Variants in NSA2 observed in about 807,000 individuals in gnomAD.
NSA2 encodes the protein ribosome biogenesis protein NSA2 homolog.
In NSA2, 18 loss-of-function variants were observed where a neutral mutation model predicts 34.8. That is an observed-to-expected ratio of 0.52 (90% CI 0.36 to 0.77). NSA2 has a LOEUF of 0.77. Ranked by LOEUF, NSA2 falls within the 30% of genes least tolerant of loss-of-function variation. NSA2 has a pLI of 0.00. For synonymous variants in NSA2, 79 were observed against 100.2 expected (o/e 0.79, Z 1.26); for missense variants, 188 against 314.7 (o/e 0.60, Z 3.05).
At chr5:74,767,387 C>G (rs960834479) in intron 1 of NSA2, 24 bp downstream of exon 1, 1 of 1,612,070 alleles carries the variant, frequency 6.2e-7, no homozygotes, top group Non-Finnish European at 8.5e-7. Context: ...CTCGGACGCT[C>G]GCGACACACA....
At position 74,777,860 on chromosome 5, in the gene NSA2, TAAGTTCTATAAATATATAC is replaced by T. The variant is rs1442576477; in HGVS notation, c.*1190_*1208del. ...ACTCTGAATAATGTAACATTTTTTC[TAAGTTCTATAAATATATAC>T]TGGAAGTTTTAGAACACATACAGAC... On this transcript the variant is annotated 3_prime_UTR_variant, in exon 6 of 6. Transcript: ENST00000610426. 1 of 152,104 alleles carries T rather than the reference TAAGTTCTATAAATATATAC, an allele frequency of 6.6e-6. No individual in the cohort carries two copies. The highest frequency in any genetic ancestry group is 1.5e-5 in the Non-Finnish European group (1 of 67,942). The allele number at this position is 152,104 out of a possible 1,614,324, so 9.4% of individuals were successfully genotyped here. A position where few individuals can be genotyped will look rare whatever the true frequency, so the allele number is the denominator to read the frequency against.
intron 5 of NSA2, among the ~76,000 whole-genome samples, chr5:74,776,271 A>C (rs1745115704): frequency 6.6e-6 from 1 of 152,164 alleles, no homozygotes; most frequent in Admixed American, 6.5e-5. Context: ...AGGCCAAGGC[A>C]GGCGGATCAT....
chr5:74,775,844 A>G (rs1032079767), intron 5 of NSA2, among the ~76,000 whole-genome samples: 1 of 152,128 alleles, frequency 6.6e-6, no homozygotes, highest in African/African-American at 2.4e-5. Context: ...TACCTTTAGT[A>G]CCCAGATCCA....
At chr5:74,769,742 CCT>C (rs1744855853) in intron 3 of NSA2, among the ~76,000 whole-genome samples, 1 of 152,064 alleles carries the variant, frequency 6.6e-6, no homozygotes, top group Non-Finnish European at 1.5e-5. Context: ...TGGAAAACTC[CCT>C]GAGTTGTCAC....
In NSA2 at chr5:74,779,968, A is replaced by G. The variant is rs1230489167; in HGVS notation, c.*3297A>G. The G allele has an allele frequency of 6.6e-6, 1 of 152,238 alleles. No homozygotes were observed. The highest frequency in any genetic ancestry group is 6.5e-5 in the Admixed American group (1 of 15,278). 9.4% of individuals were successfully genotyped at this position (152,238 alleles called of 1,614,324 possible). A position where few individuals can be genotyped will look rare whatever the true frequency, so the allele number is the denominator to read the frequency against. On this transcript the variant is annotated 3_prime_UTR_variant, in exon 6 of 6. Transcript: ENST00000610426. ...GGATCAAGATCAAGCTATTTTTAAAACAATTTAAATGGTCTCAAAACATTC... is the reference window on the plus strand; with the variant it reads ...GGATCAAGATCAAGCTATTTTTAAAGCAATTTAAATGGTCTCAAAACATTC...
chr5:74,778,759 T>C lies in NSA2; in HGVS notation c.*2088T>C, dbSNP rs1745252855. ...CTGCTTTATATTACACAAGGAAATA[T>C]ACACGTATGTACATAAAAAGTGAAC... On this transcript the variant is annotated 3_prime_UTR_variant, in exon 6 of 6. Coordinates refer to ENST00000610426, the MANE Select transcript of NSA2 (RefSeq NM_014886.6). 1 of 152,038 alleles carries C rather than the reference T, an allele frequency of 6.6e-6. No individual in the cohort carries two copies. Among genetic ancestry groups the C allele is most frequent in the Admixed American group, 6.5e-5 (1 of 15,272 alleles). The allele number at this position is 152,038 out of a possible 1,614,324, so 9.4% of individuals were successfully genotyped here.
chr5:74,769,561 AATTT>A, intron 3 of NSA2, 197 bp downstream of exon 3: 1 of 439,978 alleles, frequency 2.3e-6, no homozygotes, highest in Non-Finnish European at 3.9e-6. Context: ...TTATAAAAAA[AATTT>A]ATTAGAATGC....
intron 5 of NSA2, among the ~76,000 whole-genome samples, chr5:74,774,712 A>G (rs1036366052): frequency 6.6e-6 from 1 of 152,080 alleles, no homozygotes; most frequent in African/African-American, 2.4e-5. Flanking sequence ...CCATGAGCAG[A>G]GGAAGGGAGG....
intron 3 of NSA2, among the ~76,000 whole-genome samples, chr5:74,770,155 A>AC (rs1744869403): frequency 3.3e-5 from 5 of 152,096 alleles, no homozygotes; most frequent in Admixed American, 2.6e-4. Context: ...ATGTGGTGAA[A>AC]CCCCACCTCT....
intron 5 of NSA2, among the ~76,000 whole-genome samples, chr5:74,774,714 G>A (rs1247450401): frequency 6.6e-6 from 1 of 151,906 alleles, no homozygotes; most frequent in Non-Finnish European, 1.5e-5. Context: ...ATGAGCAGAG[G>A]AAGGGAGGCA....
intron 5 of NSA2, among the ~76,000 whole-genome samples, chr5:74,774,548 G>A (rs1293456762): frequency 1.3e-5 from 2 of 152,186 alleles, no homozygotes; most frequent in Non-Finnish European, 2.9e-5. Flanking sequence ...AGCTTGCAGT[G>A]AGCTGAGATT....
At position 74,776,686 on chromosome 5, in the gene NSA2, A is replaced by ATAAT. The variant is rs756253755; in HGVS notation, c.*18_*21dup. On this transcript the variant is annotated 3_prime_UTR_variant, in exon 6 of 6. Coordinates refer to ENST00000610426, the MANE Select transcript of NSA2 (RefSeq NM_014886.6). ...TACTGGTTTGACAGCAATTTCATAT[A>ATAAT]TAATTATTGAGGACTACACACCAAT... 4 of 1,361,986 alleles carry ATAAT rather than the reference A, an allele frequency of 2.9e-6. No homozygotes were observed. The highest frequency in any genetic ancestry group is 2.3e-5 in the East Asian group (1 of 43,646). 84.4% of individuals were successfully genotyped at this position (1,361,986 alleles called of 1,614,324 possible).
At chr5:74,773,829 T>A in intron 4 of NSA2, 39 bp from the exon 5 acceptor site, 1 of 1,540,780 alleles carries the variant, frequency 6.5e-7, no homozygotes, top group Non-Finnish European at 8.8e-7. Flanking sequence ...TGTTAACATT[T>A]TGGACGTAAA....
rs57476994 is a variant in NSA2 at position 74,777,099 on chromosome 5, G to GTGTT, written c.*434_*437dup. ...CATTAATACAGATGTTAAGTTTATA[G>GTGTT]TGTTTGTTTACACTAGAAGTATGTG... On this transcript the variant is annotated 3_prime_UTR_variant, in exon 6 of 6. Coordinates refer to ENST00000610426, the MANE Select transcript of NSA2 (RefSeq NM_014886.6). The GTGTT allele has an allele frequency of 0.16, 24,940 of 154,182 alleles. 2,429 individuals are homozygous for GTGTT. Among genetic ancestry groups the GTGTT allele is most frequent in the African/African-American group, 0.27 (11,364 of 41,422 alleles). 9.6% of individuals were successfully genotyped at this position (154,182 alleles called of 1,614,324 possible). A position where few individuals can be genotyped will look rare whatever the true frequency, so the allele number is the denominator to read the frequency against.
intron 1 of NSA2, 88 bp downstream of exon 1, chr5:74,767,451 C>T (rs2112403460): frequency 6.7e-7 from 1 of 1,498,014 alleles, no homozygotes; most frequent in Non-Finnish European, 9.2e-7. Flanking sequence ...AGGGGGTGAG[C>T]GGTGGTAGGC....
At chr5:74,775,389 G>A (rs1330388950) in intron 5 of NSA2, among the ~76,000 whole-genome samples, 1 of 151,794 alleles carries the variant, frequency 6.6e-6, no homozygotes, top group Non-Finnish European at 1.5e-5. Flanking sequence ...GCCGAGGCAG[G>A]CGGTTCACTT....
At chr5:74,774,490 GC>G (rs1170461688) in intron 5 of NSA2, among the ~76,000 whole-genome samples, 1 of 152,152 alleles carries the variant, frequency 6.6e-6, no homozygotes, top group Non-Finnish European at 1.5e-5. Flanking sequence ...TCTAATCCCA[GC>G]CACTTGGGAG....
intron 3 of NSA2, among the ~76,000 whole-genome samples, chr5:74,769,748 T>C (rs1342395651): frequency 6.6e-6 from 1 of 152,194 alleles, no homozygotes; most frequent in Non-Finnish European, 1.5e-5. Context: ...ACTCCCTGAG[T>C]TGTCACAAAA....
chr5:74,774,159 A>T, intron 5 of NSA2, 99 bp downstream of exon 5: 1 of 742,722 alleles, frequency 1.3e-6, no homozygotes, highest in Non-Finnish European at 2.2e-6. Context: ...AAATTTTTTT[A>T]ATGCAGTAGA....
Sources: gnomAD v4.1 joint callset for allele counts (sites outside exome capture counted in the v4.1 genomes callset) on GRCh38, gnomAD v4.1.1 for gene constraint, MANE v1.5 for transcripts, NCBI Gene and HGNC (gene_info 2026-07-23, HGNC 2026-07-21) for gene names.